The following DAB1 variants were observed in gnomAD, a reference collection of about 807,000 sequenced individuals.
DAB1 encodes DAB adaptor protein 1, also known as disabled homolog 1.
A neutral mutation model predicts 64.6 loss-of-function variants in DAB1; 15 were observed. That is an observed-to-expected ratio of 0.23 (90% CI 0.16 to 0.36). The LOEUF is 0.36. Ranked by LOEUF, DAB1 falls within the 10% of genes least tolerant of loss-of-function variation. The pLI, the probability that DAB1 is intolerant of heterozygous loss-of-function variation, is 1.00. For missense variants in DAB1, 596 were observed against 706.7 expected (o/e 0.84, Z 1.78); for synonymous variants, 235 against 251.9 (o/e 0.93, Z 0.64).
At chr1:58,504,828 C>T (rs896468795) in intron 3 of DAB1, among the ~76,000 whole-genome samples, 4 of 152,152 alleles carry the variant, frequency 2.6e-5, no homozygotes, top group Admixed American at 2.6e-4. Flanking sequence ...TTTTATTTAT[C>T]TTAGCATCCT....
At chr1:57,308,005 C>T (rs1306301879) in intron 1 of DAB1, among the ~76,000 whole-genome samples, 1 of 152,146 alleles carries the variant, frequency 6.6e-6, no homozygotes, top group Non-Finnish European at 1.5e-5. Flanking sequence ...GGGTCACTAA[C>T]CTGAATAATA....
intron 6 of DAB1, among the ~76,000 whole-genome samples, chr1:57,803,492 C>T (rs1443777789): frequency 6.6e-6 from 1 of 152,196 alleles, no homozygotes; most frequent in Non-Finnish European, 1.5e-5. Context: ...CTTCCTGCCA[C>T]AGAGCAGGAG....
chr1:57,178,082 T>C (rs1441155865), intron 2 of DAB1, among the ~76,000 whole-genome samples: 2 of 152,108 alleles, frequency 1.3e-5, no homozygotes, highest in Admixed American at 6.5e-5. Flanking sequence ...GCGAAAACCA[T>C]ATAAAAGTTC....
chr1:57,501,079 G>A (rs1335129027), intron 7 of DAB1, among the ~76,000 whole-genome samples: 1 of 152,246 alleles, frequency 6.6e-6, no homozygotes, highest in Non-Finnish European at 1.5e-5. Flanking sequence ...CTGTCCTGAA[G>A]TAGAGTCTGT....
chr1:57,049,343 C>T (rs888625686), intron 9 of DAB1, among the ~76,000 whole-genome samples: 9 of 145,358 alleles, frequency 6.2e-5, no homozygotes, highest in South Asian at 4.5e-4. Flanking sequence ...CCCAGCTACT[C>T]GGGAGGCTGA....
intron 1 of DAB1, among the ~76,000 whole-genome samples, chr1:57,383,459 C>T (rs766238147): frequency 1.3e-5 from 2 of 152,138 alleles, no homozygotes; most frequent in African/African-American, 2.4e-5. Flanking sequence ...TGAACCTCAA[C>T]GTTTTCATGG....
chr1:57,815,379 T>C (rs563506397), intron 6 of DAB1, among the ~76,000 whole-genome samples: 8 of 152,266 alleles, frequency 5.3e-5, no homozygotes, highest in African/African-American at 1.9e-4. Flanking sequence ...AAACTACAAT[T>C]TTCCAAACAA....
upstream of DAB1, among the ~76,000 whole-genome samples, chr1:57,886,306 G>A (rs577746813): frequency 1.3e-5 from 2 of 151,942 alleles, no homozygotes; most frequent in African/African-American, 2.4e-5. Flanking sequence ...TTTTAGGTGC[G>A]TGCCAACACG....
intron 3 of DAB1, among the ~76,000 whole-genome samples, chr1:58,426,344 A>G (rs1023324754): frequency 3.9e-5 from 6 of 152,188 alleles, no homozygotes; most frequent in Admixed American, 1.3e-4. Context: ...AGGAAGAAAG[A>G]GAGTTAACCC....
chr1:57,666,547 T>G (rs1403935551), intron 6 of DAB1, among the ~76,000 whole-genome samples: 1 of 152,168 alleles, frequency 6.6e-6, no homozygotes, highest in Non-Finnish European at 1.5e-5. Flanking sequence ...TAATTCAATC[T>G]CTTCATGTCA....
intron 4 of DAB1, among the ~76,000 whole-genome samples, chr1:58,338,785 C>T (rs1388027978): frequency 2.0e-5 from 3 of 152,066 alleles, no homozygotes; most frequent in Non-Finnish European, 2.9e-5. Flanking sequence ...ACTTCATAAA[C>T]AAAATGTGGT....
chr1:57,318,211 G>A (rs1265332757), intron 1 of DAB1, among the ~76,000 whole-genome samples: 4 of 150,234 alleles, frequency 2.7e-5, no homozygotes, highest in African/African-American at 9.8e-5. Context: ...CAGAGAGAGT[G>A]ATTTGCATAC....
intron 6 of DAB1, among the ~76,000 whole-genome samples, chr1:57,658,417 T>C (rs182194071): frequency 0.012 from 1,739 of 150,848 alleles, 20 homozygotes; most frequent in Non-Finnish European, 0.017. Flanking sequence ...CATTCTCCTG[T>C]CTCAGCCTCT....
chr1:58,051,478 T>C (rs546434973), intron 5 of DAB1, among the ~76,000 whole-genome samples: 1 of 152,348 alleles, frequency 6.6e-6, no homozygotes, highest in South Asian at 2.1e-4. Context: ...TCCAAGACTT[T>C]GCTATTGTGA....
intron 4 of DAB1, among the ~76,000 whole-genome samples, chr1:58,204,458 T>C (rs565434400): frequency 1.3e-5 from 2 of 152,294 alleles, no homozygotes; most frequent in African/African-American, 4.8e-5. Context: ...CCAAGTGGCT[T>C]ACTTGAGAGG....
chr1:57,284,178 T>C (rs1453281480), intron 2 of DAB1, among the ~76,000 whole-genome samples: 1 of 152,146 alleles, frequency 6.6e-6, no homozygotes, highest in Non-Finnish European at 1.5e-5. Context: ...TTATGAACAG[T>C]AATAGGTTGG....
chr1:57,621,393 G>T (rs547438133), intron 7 of DAB1, among the ~76,000 whole-genome samples: 6 of 151,604 alleles, frequency 4.0e-5, no homozygotes, highest in Non-Finnish European at 8.8e-5. Context: ...GATAGTGCGT[G>T]GGGGTGGGGA....
chr1:58,382,616 T>C (rs1458354731), intron 3 of DAB1, among the ~76,000 whole-genome samples: 1 of 152,124 alleles, frequency 6.6e-6, no homozygotes, highest in Non-Finnish European at 1.5e-5. Flanking sequence ...ACAAAATAGA[T>C]ATTGGTCAAC....
At chr1:58,227,146 T>C (rs1659537302) in intron 4 of DAB1, among the ~76,000 whole-genome samples, 1 of 152,234 alleles carries the variant, frequency 6.6e-6, no homozygotes, top group Admixed American at 6.5e-5. Flanking sequence ...AGGTTTGTTC[T>C]TCCTTCAACA....
Sources: allele counts gnomAD v4.1 joint callset (sites outside exome capture counted in the v4.1 genomes callset), GRCh38; gene constraint gnomAD v4.1.1; transcripts MANE v1.5; gene names NCBI Gene and HGNC (gene_info 2026-07-23, HGNC 2026-07-21).